The following MYO15A variants were observed in gnomAD, a reference collection of about 807,000 sequenced individuals.
MYO15A encodes the protein unconventional myosin-XV.
In MYO15A, 308 loss-of-function variants were observed where a neutral mutation model predicts 394.6. That is an observed-to-expected ratio of 0.78 (90% CI 0.71 to 0.86). The LOEUF is 0.86. MYO15A is among the 40% of genes least tolerant of loss of function. The probability of loss-of-function intolerance (pLI) is 0.00; values close to 1 mark genes in which losing one functional copy is unlikely to be tolerated. For synonymous variants in MYO15A, 1,957 were observed against 2,003.8 expected (o/e 0.98, Z 0.62); for missense variants, 4,606 against 4,799.1 (o/e 0.96, Z 1.19).
chr17:18,110,975 G>A (rs1320141184), intron 1 of MYO15A, among the ~76,000 whole-genome samples: 1 of 152,244 alleles, frequency 6.6e-6, no homozygotes, highest in Non-Finnish European at 1.5e-5. Flanking sequence ...GACCTCCAGT[G>A]CAGTGTTTGG....
intron 61 of MYO15A, 134 bp from the exon 62 acceptor site, chr17:18,167,456 G>C: frequency 7.0e-7 from 1 of 1,425,608 alleles, no homozygotes. Context: ...CGAAACCCAG[G>C]AAAGTAATAG....
At chr17:18,133,087 C>T (rs888160243) in intron 11 of MYO15A, 138 bp from the exon 12 acceptor site, 4 of 850,390 alleles carry the variant, frequency 4.7e-6, no homozygotes, top group South Asian at 1.5e-5. Context: ...TGCTCAGAGC[C>T]TCCGTGCCCA....
intron 65 of MYO15A, among the ~76,000 whole-genome samples, chr17:18,175,158 A>C (rs570770482): frequency 2.0e-5 from 3 of 146,542 alleles, no homozygotes; most frequent in African/African-American, 7.7e-5. Context: ...GCCTCAAATG[A>C]TCTTCCCACC....
intron 58 of MYO15A, 44 bp downstream of exon 58, chr17:18,162,723 G>C: frequency 6.3e-7 from 1 of 1,592,748 alleles, no homozygotes; most frequent in Non-Finnish European, 8.6e-7. Context: ...TGGGAGGCTG[G>C]GCGCAGTGGC....
intron 56 of MYO15A, chr17:18,161,020 C>T (rs1255664363): frequency 1.9e-6 from 1 of 531,124 alleles, no homozygotes; most frequent in African/African-American, 1.9e-5. Flanking sequence ...CAGAAGCCTC[C>T]CTAGAGAGAT....
At chr17:18,130,729 G>A (rs899504404) in intron 7 of MYO15A, 76 bp from the exon 8 acceptor site, 2 of 1,610,868 alleles carry the variant, frequency 1.2e-6, no homozygotes, top group African/African-American at 2.7e-5. Flanking sequence ...CCTGGAGAGA[G>A]TGGTGGTCGG....
At position 18,142,841 on chromosome 17, in the gene MYO15A, GTATAGGCCCTACCC is replaced by G. The variant is rs1260672761; in HGVS notation, c.5910+5_5910+18del. 1 of 1,610,030 alleles carries G rather than the reference GTATAGGCCCTACCC, an allele frequency of 6.2e-7. No individual in the cohort carries two copies. Among genetic ancestry groups the G allele is most frequent in the Non-Finnish European group, 8.5e-7 (1 of 1,178,384 alleles). ...CGTGAGCCGCCGACGCTATCTCAAGGTATAGGCCCTACCCTATCTGGGTCCAAGGGGACAGCAGA... is the reference window on the plus strand; with the variant it reads ...CGTGAGCCGCCGACGCTATCTCAAGGTATCTGGGTCCAAGGGGACAGCAGA... On this transcript the variant is annotated splice_donor_variant and splice_donor_5th_base_variant and intron_variant, in intron 25 of 65. Transcript: ENST00000647165. LOFTEE classifies it high-confidence loss of function.
Position 18,136,641 on chromosome 17 carries a change from G to A in MYO15A, c.4734G>A (p.Arg1578=), listed in dbSNP as rs1424782194. ...ITRVNALVSP[R]QDTLSIAILD... is the part of the protein sequence containing the mutation. ...GGGTCAACGCGCTGGTGTCCCCAAG[G>A]CAGGACACACTGTCCATCGCCATCC... Residue 1578 remains arginine (R), a synonymous_variant, in exon 15 of 66, where the codon AGG becomes AGA. Coordinates refer to ENST00000647165, the MANE Select transcript of MYO15A (RefSeq NM_016239.4). 1.4e-5 allele frequency: 22 copies of A among 1,613,142 alleles called. No homozygotes were observed. Among genetic ancestry groups the A allele is most frequent in the Non-Finnish European group, 1.8e-5 (21 of 1,179,936 alleles).
chr17:18,113,797 G>GACACACACACACACACAC (rs4025536), intron 1 of MYO15A, among the ~76,000 whole-genome samples: 19 of 138,856 alleles, frequency 1.4e-4, no homozygotes, highest in African/African-American at 5.1e-4. Context: ...CACCTCCCCT[G>GACACACACACACACACAC]ACACACACAC....
chr17:18,148,056 C>A lies in MYO15A; in HGVS notation c.6537C>A (p.Gly2179=), dbSNP rs1408069166. 2 of 1,613,988 alleles carry A rather than the reference C, an allele frequency of 1.2e-6. No homozygotes were observed. Among genetic ancestry groups the A allele is most frequent in the African/African-American group, 2.7e-5 (2 of 75,062 alleles). Residue 2179 remains glycine, a synonymous_variant, in exon 31 of 66, where the codon GGC becomes GGA. Transcript: ENST00000647165. The surrounding 1 kb of genome is among the most constrained non-coding windows in gnomAD (Gnocchi z 4.8). The stretch of plus-strand genomic sequence containing the variant: ...TTGTGTCTGATTATGGGCGGAATGG[C>A]TTCCAGGCTGTGTGTCAGCACCGCC... ...LKFVSDYGRN[G]FQAVCQHRLM...
In MYO15A at chr17:18,151,090, T is replaced by C. The variant is rs1365383474; in HGVS notation, c.7474-20T>C. ...CTGGTATATCCCAGGCAGCCCACCCTCACGTCCTGTTCTCCACAGAAACCC... is the reference window on the plus strand; with the variant it reads ...CTGGTATATCCCAGGCAGCCCACCCCCACGTCCTGTTCTCCACAGAAACCC... On this transcript the variant is annotated intron_variant, in intron 38 of 65. Transcript: ENST00000647165. The C allele has an allele frequency of 3.7e-6, 6 of 1,613,480 alleles. No individual in the cohort carries two copies. Among genetic ancestry groups the C allele is most frequent in the Non-Finnish European group, 5.1e-6 (6 of 1,179,990 alleles).
rs900296982 is a variant in MYO15A at position 18,179,688 on chromosome 17, A to C, written c.*818A>C. 9 of 152,300 alleles carry C rather than the reference A, an allele frequency of 5.9e-5. No individual in the cohort carries two copies. The highest frequency in any genetic ancestry group is 1.9e-4 in the African/African-American group (8 of 41,464). The allele number at this position is 152,300 out of a possible 1,614,324, so 9.4% of individuals were successfully genotyped here. ...ACAGCAGGATAAACATTCCAGAGAA[A>C]ATCATGTTTATTCCCTGCTGTATCT... On this transcript the variant is annotated 3_prime_UTR_variant, in exon 66 of 66. Transcript: ENST00000647165.
chr17:18,162,020 C>T (rs1298410650), intron 57 of MYO15A, among the ~76,000 whole-genome samples: 3 of 152,180 alleles, frequency 2.0e-5, no homozygotes, highest in East Asian at 3.8e-4. Context: ...CTTCCTGCCT[C>T]TGAATGCTTC....
rs546571275 is a variant in MYO15A, at chr17:18,150,331, C to A, written c.7213-98C>A. 4.6e-5 allele frequency: 51 copies of A among 1,116,780 alleles called. No homozygotes were observed. Among genetic ancestry groups the A allele is most frequent in the Middle Eastern group, 2.0e-4 (1 of 5,124 alleles). The allele number at this position is 1,116,780 out of a possible 1,614,324, so 69.2% of individuals were successfully genotyped here. On this transcript the variant is annotated intron_variant, in intron 35 of 65. Coordinates refer to ENST00000647165, the MANE Select transcript of MYO15A (RefSeq NM_016239.4). This position sits in a 1 kb window ranked among gnomAD's most constrained non-coding sequence, Gnocchi z 4.4. Reference sequence around the variant, plus strand: ...GCCAGTGGGAGGCTGCCCCCTCCCACGAGAGGGTGGGGAAGAGGCCAGTGT... The same window carrying A: ...GCCAGTGGGAGGCTGCCCCCTCCCAAGAGAGGGTGGGGAAGAGGCCAGTGT...
rs1441802250 is a variant in MYO15A at position 18,141,633 on chromosome 17, A to T, written c.5532-20A>T. On this transcript the variant is annotated intron_variant, in intron 22 of 65. Transcript: ENST00000647165. ...CGGGTAGGTCTCATAGCCCCAGACT[A>T]ACTTTGGGCCCCCTACCAGGTACTG... is the stretch of plus-strand genomic sequence containing the variant. The T allele has an allele frequency of 6.2e-7, 1 of 1,610,632 alleles. No homozygotes were observed. The highest frequency in any genetic ancestry group is 1.3e-5 in the African/African-American group (1 of 74,838).
At chr17:18,160,396 ATCT>A (rs2046757734) in intron 56 of MYO15A, among the ~76,000 whole-genome samples, 1 of 152,192 alleles carries the variant, frequency 6.6e-6, no homozygotes, top group African/African-American at 2.4e-5. Flanking sequence ...GGCTTTCTCC[ATCT>A]TCTGGCTCTG....
At chr17:18,113,782 C>T (rs1417004754) in intron 1 of MYO15A, among the ~76,000 whole-genome samples, 1 of 144,298 alleles carries the variant, frequency 6.9e-6, no homozygotes, top group Non-Finnish European at 1.5e-5. Context: ...AACTTATATT[C>T]TTAGCACCTC....
In MYO15A at chr17:18,117,815, G is replaced by C. The variant is rs187653732; in HGVS notation, c.-219-767G>C. Among the ~76,000 whole-genome samples, 3 of 152,316 alleles carry C rather than the reference G, an allele frequency of 2.0e-5. No individual in the cohort carries two copies. The highest frequency in any genetic ancestry group is 4.4e-5 in the Non-Finnish European group (3 of 68,038). On this transcript the variant is annotated intron_variant, in intron 1 of 65. Coordinates refer to ENST00000647165, the MANE Select transcript of MYO15A (RefSeq NM_016239.4). This position sits in a 1 kb window ranked among gnomAD's most constrained non-coding sequence, Gnocchi z 4.1. Reference sequence around the variant, plus strand: ...GGGCAGAAAGTAAGAGGAGAGGACAGGGCTAGGCAGGGACCCCAGAAAGGA... The same window carrying C: ...GGGCAGAAAGTAAGAGGAGAGGACACGGCTAGGCAGGGACCCCAGAAAGGA...
rs59214589 is a variant in MYO15A, at chr17:18,130,817, A to AGTGT, written c.4038+58_4038+61dup. ...GACGCTCTTGAAGATAAAGGTACTC[A>AGTGT]GTGTGTGTGTGTGTGTGTGTGTGTG... is the stretch of plus-strand genomic sequence containing the variant. On this transcript the variant is annotated splice_region_variant and intron_variant, in intron 8 of 65. Transcript: ENST00000647165. 0.058 allele frequency: 68,379 copies of AGTGT among 1,178,794 alleles called. 2,008 individuals carry two copies. The highest frequency in any genetic ancestry group is 0.097 in the African/African-American group (4,575 of 47,336). 73.0% of individuals were successfully genotyped at this position (1,178,794 alleles called of 1,614,324 possible). A position where few individuals can be genotyped will look rare whatever the true frequency, so the allele number is the denominator to read the frequency against.
Sources: gnomAD v4.1 joint callset for allele counts (sites outside exome capture counted in the v4.1 genomes callset) on GRCh38, gnomAD v4.1.1 for gene constraint, Gnocchi (gnomAD v3.1) non-coding constraint, MANE v1.5 for transcripts, NCBI Gene and HGNC (gene_info 2026-07-23, HGNC 2026-07-21) for gene names.